CCR5AS: variants seen among roughly 807,000 people sequenced by gnomAD.
CCR5AS encodes the protein CCR5 antisense RNA.
At chr3:46,399,835 C>T (rs914366399) in intron 1 of CCR5AS, among the ~76,000 whole-genome samples, 1 of 152,058 alleles carries the variant, frequency 6.6e-6, no homozygotes, top group Non-Finnish European at 1.5e-5. Context: ...AGACTGGAAG[C>T]TTTAGGTAGC....
At chr3:46,374,044 T>A in intron 2 of CCR5AS, 1 of 988,052 alleles carries the variant, frequency 1.0e-6, no homozygotes, top group South Asian at 1.9e-5. Flanking sequence ...GGGGGTGGGG[T>A]GGGAGAGGTC....
intron 3 of CCR5AS, among the ~76,000 whole-genome samples, chr3:46,365,700 A>G (rs1488060109): frequency 2.0e-5 from 3 of 152,080 alleles, no homozygotes; most frequent in Admixed American, 6.5e-5. Context: ...GGGGGCTCCA[A>G]ATGGATCTAG....
intron 2 of CCR5AS, chr3:46,374,555 T>C (rs982459097): frequency 2.4e-5 from 4 of 167,262 alleles, no homozygotes; most frequent in South Asian, 4.1e-4. Context: ...GGGAAGCTTC[T>C]TAAATGAGAA....
chr3:46,396,201 C>T (rs773737060), intron 1 of CCR5AS, among the ~76,000 whole-genome samples: 14 of 152,194 alleles, frequency 9.2e-5, no homozygotes, highest in Admixed American at 5.9e-4. Flanking sequence ...AGAAACGTTT[C>T]TTATCTATTT....
chr3:46,386,677 A>G (rs1359810728), intron 2 of CCR5AS, among the ~76,000 whole-genome samples: 1 of 152,234 alleles, frequency 6.6e-6, no homozygotes, highest in African/African-American at 2.4e-5. Context: ...GAACAAACCA[A>G]TGAGAAAGCA....
chr3:46,400,863 T>A (rs1702000294), intron 1 of CCR5AS, among the ~76,000 whole-genome samples: 1 of 152,208 alleles, frequency 6.6e-6, no homozygotes, highest in African/African-American at 2.4e-5. Context: ...GTCTCCTTTA[T>A]ATCTAGAAGG....
chr3:46,404,792 C>T (rs1374040641), intron 1 of CCR5AS, among the ~76,000 whole-genome samples: 1 of 152,174 alleles, frequency 6.6e-6, no homozygotes, highest in Non-Finnish European at 1.5e-5. Flanking sequence ...GGATTTTTGC[C>T]TATTTTGTCC....
chr3:46,402,148 T>C (rs1356672809), intron 1 of CCR5AS, among the ~76,000 whole-genome samples: 1 of 152,204 alleles, frequency 6.6e-6, no homozygotes, highest in African/African-American at 2.4e-5. Context: ...TGAGAAAGAC[T>C]GCTTTAGGGA....
intron 2 of CCR5AS, among the ~76,000 whole-genome samples, chr3:46,391,208 G>T (rs1486008315): frequency 6.6e-6 from 1 of 152,204 alleles, no homozygotes; most frequent in Non-Finnish European, 1.5e-5. Context: ...GAAGATCCTG[G>T]GGGAGGAGGT....
chr3:46,377,375 C>G (rs1256769965), intron 2 of CCR5AS, among the ~76,000 whole-genome samples: 2 of 152,136 alleles, frequency 1.3e-5, no homozygotes, highest in African/African-American at 2.4e-5. Context: ...AGGTCTCTAT[C>G]AAAGAGGAGA....
chr3:46,376,661 T>G (rs1401827053), intron 2 of CCR5AS, among the ~76,000 whole-genome samples: 3 of 152,204 alleles, frequency 2.0e-5, no homozygotes, highest in Non-Finnish European at 2.9e-5. Context: ...AGGATGCTTT[T>G]CTTTCATTTA....
Position 46,397,579 on chromosome 3 carries a change from C to T in CCR5AS, n.164-4527G>A, listed in dbSNP as rs548309284. Among the ~76,000 whole-genome samples the T allele has an allele frequency of 1.5e-4, 23 of 152,294 alleles. No individual in the cohort carries two copies. The South Asian group carries it at 4.3e-3, about 29-fold the overall frequency. The stretch of plus-strand genomic sequence containing the variant: ...AGCTGCCTGACAAGAGCTGCCCTTA[C>T]GTCAAGGGACACATCAGCCCACTAG... On this transcript the variant is annotated intron_variant and non_coding_transcript_variant, in intron 1 of 3. Transcript: ENST00000451485.
chr3:46,394,832 G>A (rs567974729), intron 1 of CCR5AS, among the ~76,000 whole-genome samples: 1 of 152,306 alleles, frequency 6.6e-6, no homozygotes, highest in East Asian at 1.9e-4. Context: ...AGAAAGAAAT[G>A]GGGCTGGAAC....
intron 2 of CCR5AS, among the ~76,000 whole-genome samples, chr3:46,380,076 C>CCATA (rs1701803209): frequency 1.3e-5 from 2 of 151,934 alleles, no homozygotes; most frequent in Non-Finnish European, 2.9e-5. Context: ...CTTTCATAGG[C>CCATA]AGAAATAAGT....
intron 1 of CCR5AS, among the ~76,000 whole-genome samples, chr3:46,404,013 C>A (rs1206484656): frequency 6.6e-6 from 1 of 152,186 alleles, no homozygotes; most frequent in Non-Finnish European, 1.5e-5. Flanking sequence ...TTTATGGGGT[C>A]CAGCTCTAGA....
At chr3:46,380,206 T>C (rs186022467) in intron 2 of CCR5AS, among the ~76,000 whole-genome samples, 7 of 152,234 alleles carry the variant, frequency 4.6e-5, no homozygotes, top group Admixed American at 3.9e-4. Context: ...ATGGAGATCA[T>C]GCTTTGGTCT....
intron 2 of CCR5AS, chr3:46,373,026 A>T (rs1475319259): frequency 2.5e-6 from 4 of 1,614,014 alleles, no homozygotes; most frequent in Non-Finnish European, 2.5e-6. Flanking sequence ...ACTGGTGTTC[A>T]TCTTTGGTTT....
intron 2 of CCR5AS, among the ~76,000 whole-genome samples, chr3:46,377,170 CT>C: frequency 6.6e-6 from 1 of 152,278 alleles, no homozygotes; most frequent in Non-Finnish European, 1.5e-5. Flanking sequence ...CTCGTTTTTC[CT>C]TTTCCATCTT....
chr3:46,381,801 G>A (rs369277674), intron 2 of CCR5AS, among the ~76,000 whole-genome samples: 1 of 152,180 alleles, frequency 6.6e-6, no homozygotes, highest in Non-Finnish European at 1.5e-5. Context: ...GCAGAGAAGA[G>A]GGCAGGGACT....
Sources: gnomAD v4.1 joint callset for allele counts (sites outside exome capture counted in the v4.1 genomes callset) on GRCh38, gnomAD v4.1.1 for gene constraint, MANE v1.5 for transcripts, NCBI Gene and HGNC (gene_info 2026-07-23, HGNC 2026-07-21) for gene names.